Variants in FILIP1L observed in about 807,000 individuals in gnomAD.
FILIP1L encodes filamin A-interacting protein 1-like.
FILIP1L carries 55 observed loss-of-function variants against 96.6 expected under a neutral mutation model. That is an observed-to-expected ratio of 0.57 (90% CI 0.46 to 0.71). The LOEUF (loss-of-function observed/expected upper bound fraction) is 0.71. Ranked by LOEUF, FILIP1L falls within the 30% of genes least tolerant of loss-of-function variation. The pLI is 0.00. For missense variants in FILIP1L, 1,304 were observed against 1,321.2 expected (o/e 0.99, Z 0.20); for synonymous variants, 467 against 473.9 (o/e 0.99, Z 0.19).
chr3:100,035,922 T>C (rs1438640069), intron 1 of FILIP1L, among the ~76,000 whole-genome samples: 2 of 152,338 alleles, frequency 1.3e-5, no homozygotes, highest in East Asian at 3.9e-4. Context: ...TTGAACTTTG[T>C]TGGGCTCTGA....
intron 1 of FILIP1L, among the ~76,000 whole-genome samples, chr3:100,074,675 ATTTTTTTTTTTTTTTTTTTTT>A (rs555819875): frequency 5.8e-5 from 2 of 34,782 alleles, no homozygotes; most frequent in African/African-American, 1.2e-4. Context: ...GCAACATTTG[ATTTTTTTTTTTTTTTTTTTTT>A]TTTTTTTTTT....
chr3:99,994,783 G>A (rs1042621674), intron 1 of FILIP1L, among the ~76,000 whole-genome samples: 1 of 152,174 alleles, frequency 6.6e-6, no homozygotes, highest in Non-Finnish European at 1.5e-5. Flanking sequence ...AAGAGAAAAT[G>A]AGGAAGATGC....
intron 1 of FILIP1L, among the ~76,000 whole-genome samples, chr3:99,990,326 G>A (rs1182752077): frequency 5.3e-5 from 8 of 152,128 alleles, no homozygotes; most frequent in East Asian, 1.9e-4. Context: ...CTGAACCATG[G>A]CACCCAGTCA....
chr3:99,988,246 C>A (rs1709404705), intron 1 of FILIP1L, among the ~76,000 whole-genome samples: 1 of 150,852 alleles, frequency 6.6e-6, no homozygotes, highest in South Asian at 2.1e-4. Flanking sequence ...GCCTGTAATC[C>A]CAGCACTTTG....
In FILIP1L at chr3:100,052,506, G is replaced by C. The variant is rs115168407; in HGVS notation, c.-11+61547C>G. Among the ~76,000 whole-genome samples the C allele has an allele frequency of 7.2e-3, 1,098 of 152,200 alleles. 4 individuals are homozygous for C. Among genetic ancestry groups the C allele is most frequent in the African/African-American group, 0.01 (417 of 41,514 alleles). Reference sequence around the variant, plus strand: ...TGGCACCATTTGTGTTATTATTGTGGTTTTATTAACTGAACCTCTAAGTGA... The same window carrying C: ...TGGCACCATTTGTGTTATTATTGTGCTTTTATTAACTGAACCTCTAAGTGA... On this transcript the variant is annotated intron_variant, in intron 1 of 5. Transcript: ENST00000477258.
intron 4 of FILIP1L, among the ~76,000 whole-genome samples, chr3:99,902,640 C>A (rs569262747): frequency 6.6e-6 from 1 of 152,200 alleles, no homozygotes; most frequent in Non-Finnish European, 1.5e-5. Flanking sequence ...CACTGGACAA[C>A]CAAAAAGATT....
rs115053666 is a variant in FILIP1L at position 100,104,136 on chromosome 3, G to A, written c.-11+9917C>T. ...GTGTGTGTTTGGATTGGAGAGCACAGGTTACAATGAGAGTGGCCCTCTCTC... is the reference window on the plus strand; with the variant it reads ...GTGTGTGTTTGGATTGGAGAGCACAAGTTACAATGAGAGTGGCCCTCTCTC... On this transcript the variant is annotated intron_variant, in intron 1 of 5. Transcript: ENST00000477258. 2.5e-3 allele frequency among the ~76,000 whole-genome samples: 378 copies of A among 152,298 alleles called. 4 individuals are homozygous for A. Among genetic ancestry groups the A allele is most frequent in the African/African-American group, 8.7e-3 (361 of 41,566 alleles).
chr3:99,839,609 C>T (rs1383333836), intron 5 of FILIP1L, among the ~76,000 whole-genome samples: 1 of 152,112 alleles, frequency 6.6e-6, no homozygotes, highest in Non-Finnish European at 1.5e-5. Context: ...CTTATTTCTC[C>T]CAAGGGCACA....
rs746793973 is a variant in FILIP1L at position 99,983,256 on chromosome 3, G to A, written c.-10-52226C>T. Among the ~76,000 whole-genome samples, 9 of 150,734 alleles carry A rather than the reference G, an allele frequency of 6.0e-5. 1 individual carries two copies. The highest frequency in any genetic ancestry group is 4.2e-4 in the South Asian group (2 of 4,762). On this transcript the variant is annotated intron_variant, in intron 1 of 5. Transcript: ENST00000477258. ...ATATAAAGAAATGGAAGTACCAGCC[G>A]GGCACAGTGACTCATGCCTGTAATC...
chr3:99,924,464 T>C, intron 3 of FILIP1L, 56 bp from the exon 4 acceptor site: 1 of 1,508,258 alleles, frequency 6.6e-7, no homozygotes, highest in Non-Finnish European at 9.1e-7. Flanking sequence ...CTGTTGTCTT[T>C]CACTCTTTTA....
At chr3:99,912,834 G>A (rs912121006) in intron 4 of FILIP1L, among the ~76,000 whole-genome samples, 2 of 152,124 alleles carry the variant, frequency 1.3e-5, no homozygotes, top group African/African-American at 4.8e-5. Context: ...GATTTTTGTG[G>A]ACATGTGTTT....
At chr3:100,107,662 C>T (rs943930380) in intron 1 of FILIP1L, among the ~76,000 whole-genome samples, 4 of 152,016 alleles carry the variant, frequency 2.6e-5, no homozygotes, top group South Asian at 2.1e-4. Context: ...AGTAATTTAA[C>T]GCTCTACTGT....
At chr3:100,101,890 G>C (rs868727032) in intron 1 of FILIP1L, among the ~76,000 whole-genome samples, 5 of 152,128 alleles carry the variant, frequency 3.3e-5, no homozygotes, top group Non-Finnish European at 7.4e-5. Flanking sequence ...TTGTCCTTGC[G>C]ATAGTTTGCT....
At chr3:99,926,243 A>C (rs890395905) in intron 3 of FILIP1L, among the ~76,000 whole-genome samples, 2 of 152,270 alleles carry the variant, frequency 1.3e-5, no homozygotes, top group African/African-American at 4.8e-5. Context: ...TATAGAACCC[A>C]GTAAATTCTC....
intron 1 of FILIP1L, among the ~76,000 whole-genome samples, chr3:100,071,866 G>A (rs2065769379): frequency 6.6e-6 from 1 of 152,086 alleles, no homozygotes; most frequent in Admixed American, 6.5e-5. Flanking sequence ...TCCCAGGTGT[G>A]AACCAGTGAC....
chr3:99,968,078 AGATAGTTTTAGCACATTCTAGTAAAG>A (rs1394675343), intron 1 of FILIP1L, among the ~76,000 whole-genome samples: 2 of 152,194 alleles, frequency 1.3e-5, no homozygotes, highest in Non-Finnish European at 2.9e-5. Context: ...ATGTACAAAG[AGATAGTTTTAGCACATTCTAGTAAAG>A]GCAGTGATCA....
chr3:99,979,206 A>T (rs984493152), intron 1 of FILIP1L, among the ~76,000 whole-genome samples: 2 of 152,208 alleles, frequency 1.3e-5, no homozygotes, highest in African/African-American at 4.8e-5. Context: ...ATAAATATAT[A>T]CAATTACCTA....
chr3:100,105,057 A>G (rs963679076), intron 1 of FILIP1L, among the ~76,000 whole-genome samples: 12 of 152,168 alleles, frequency 7.9e-5, no homozygotes, highest in African/African-American at 2.9e-4. Context: ...TTCTTTTACT[A>G]TACTTAGGTG....
rs563457119 is a variant in FILIP1L at position 99,875,947 on chromosome 3, C to A, written c.606-24877G>T. 3.2e-3 allele frequency: 1,848 copies of A among 586,388 alleles called. 5 individuals are homozygous for A. The highest frequency in any genetic ancestry group is 3.7e-3 in the Non-Finnish European group (1,730 of 464,858). The allele number at this position is 586,388 out of a possible 1,614,324, so 36.3% of individuals were successfully genotyped here. A position where few individuals can be genotyped will look rare whatever the true frequency, so the allele number is the denominator to read the frequency against. On this transcript the variant is annotated intron_variant, in intron 4 of 5. Coordinates refer to ENST00000477258, the MANE Select transcript of FILIP1L (RefSeq NM_001387850.1). ...TTTTGAACCTAGAATTCATTGGATG[C>A]GCTTTGCGAAACCTGTCTGCAGTTT...
Sources: gnomAD v4.1 joint callset for allele counts (sites outside exome capture counted in the v4.1 genomes callset) on GRCh38, gnomAD v4.1.1 for gene constraint, MANE v1.5 for transcripts, NCBI Gene and HGNC (gene_info 2026-07-23, HGNC 2026-07-21) for gene names.